Variants in MTMR3 observed in about 807,000 individuals in gnomAD.
The protein encoded by MTMR3 is phosphatidylinositol-3,5-bisphosphate 3-phosphatase MTMR3.
MTMR3 carries 32 observed loss-of-function variants against 132.4 expected under a neutral mutation model. The observed-to-expected ratio is 0.24, with a 90% CI of 0.18 to 0.32. The LOEUF (loss-of-function observed/expected upper bound fraction) is 0.32. Ranked by LOEUF, MTMR3 falls within the 10% of genes least tolerant of loss-of-function variation. The pLI is 1.00. For synonymous variants in MTMR3, 556 were observed against 550.3 expected (o/e 1.01, Z -0.14); for missense variants, 1,216 against 1,489.6 (o/e 0.82, Z 3.02).
chr22:29,928,254 C>A (rs1048934681), intron 1 of MTMR3, among the ~76,000 whole-genome samples: 1 of 150,618 alleles, frequency 6.6e-6, no homozygotes, highest in Non-Finnish European at 1.5e-5. Flanking sequence ...TGGTCACTGC[C>A]GCCTCCGCCT....
chr22:29,931,824 A>C (rs1233908860), intron 1 of MTMR3, among the ~76,000 whole-genome samples: 1 of 146,796 alleles, frequency 6.8e-6, no homozygotes, highest in Non-Finnish European at 1.5e-5. Context: ...ATTGGAGGGA[A>C]GGAGTATGTC....
rs1194790513 is a variant in MTMR3 at position 29,988,530 on chromosome 22, T to G, written c.261T>G (p.Leu87=). 1.2e-6 allele frequency: 2 copies of G among 1,612,982 alleles called. No homozygotes were observed. The highest frequency in any genetic ancestry group is 2.7e-5 in the African/African-American group (2 of 75,018). The change falls in exon 6 of 20, where the codon CTT becomes CTG. Residue 87 remains leucine, a synonymous_variant. Coordinates refer to ENST00000401950, the MANE Select transcript of MTMR3 (RefSeq NM_021090.4). ...ESVECRDIFQ[L]HLTCKDCKVI... is the part of the protein sequence containing the mutation. ...TTGAATGCCGAGATATATTTCAGCT[T>G]CATTTGACTTGCAAAGACTGCAAAG...
intron 19 of MTMR3, chr22:30,024,780 C>G (rs1263378018): frequency 6.6e-6 from 1 of 152,282 alleles, no homozygotes; most frequent in Non-Finnish European, 1.5e-5. Flanking sequence ...GAAACTCATT[C>G]TTTGCCAATT....
intron 6 of MTMR3, chr22:29,990,984 A>G (rs1042009004): frequency 6.6e-6 from 1 of 152,406 alleles, no homozygotes; most frequent in Non-Finnish European, 1.5e-5. Context: ...TGTTCTCTAC[A>G]TGGTCATAGC....
chr22:29,912,822 A>C (rs1249264319), intron 1 of MTMR3, among the ~76,000 whole-genome samples: 1 of 152,216 alleles, frequency 6.6e-6, no homozygotes, highest in Admixed American at 6.5e-5. Flanking sequence ...TAAGCTAAGT[A>C]TTTGAGATGT....
intron 1 of MTMR3, among the ~76,000 whole-genome samples, chr22:29,896,939 CCTGT>C (rs998813269): frequency 6.9e-5 from 10 of 143,966 alleles, no homozygotes; most frequent in African/African-American, 1.5e-4. Context: ...ATCTACAAAG[CCTGT>C]CTGTCTCTGA....
At chr22:29,959,728 G>T (rs913059983) in intron 2 of MTMR3, among the ~76,000 whole-genome samples, 1 of 150,660 alleles carries the variant, frequency 6.6e-6, no homozygotes, top group African/African-American at 2.4e-5. Flanking sequence ...TATTTGTATT[G>T]CCATAATAAT....
intron 14 of MTMR3, 146 bp downstream of exon 14, chr22:30,013,687 A>G: frequency 1.3e-6 from 1 of 772,224 alleles, no homozygotes; most frequent in Non-Finnish European, 1.9e-6. Context: ...TTTTTTAGTA[A>G]ATAATTTTGC....
chr22:30,022,864 G>T, intron 19 of MTMR3, 167 bp downstream of exon 19: 2 of 610,874 alleles, frequency 3.3e-6, no homozygotes. Context: ...ACTGCATTTG[G>T]CATCTTTGTT....
intron 1 of MTMR3, among the ~76,000 whole-genome samples, chr22:29,890,914 T>G (rs936989490): frequency 2.0e-5 from 3 of 152,084 alleles, no homozygotes; most frequent in Non-Finnish European, 4.4e-5. Context: ...CTTAGTTGGC[T>G]GAGGCAGGAG....
In MTMR3 at chr22:30,016,713, G is replaced by A. The variant is rs763159478; in HGVS notation, c.1674+15G>A. On this transcript the variant is annotated intron_variant, in intron 15 of 19. Transcript: ENST00000401950. Reference sequence around the variant, plus strand: ...AGTCAGAAGCCGTATGTATCCTTCAGCCTTTCCACTGTGGTCAGCAGAAGG... The same window carrying A: ...AGTCAGAAGCCGTATGTATCCTTCAACCTTTCCACTGTGGTCAGCAGAAGG... The A allele has an allele frequency of 6.2e-7, 1 of 1,603,624 alleles. No homozygotes were observed. Among genetic ancestry groups the A allele is most frequent in the South Asian group, 1.1e-5 (1 of 89,532 alleles).
At chr22:29,962,064 A>G (rs1308743727) in intron 2 of MTMR3, among the ~76,000 whole-genome samples, 1 of 152,220 alleles carries the variant, frequency 6.6e-6, no homozygotes, top group Non-Finnish European at 1.5e-5. Flanking sequence ...CTAATGATGC[A>G]TTTCTCAAAA....
rs554783320 is a variant in MTMR3, at chr22:29,979,449, G to A, written c.210+397G>A. ...GGAGCTGGCAGTGAGCCAAGATCAC[G>A]CCACTGCACTCCAGCCTGGGTGACC... On this transcript the variant is annotated intron_variant, in intron 5 of 19. Transcript: ENST00000401950. 5.7e-5 allele frequency: 13 copies of A among 227,346 alleles called. No individual in the cohort carries two copies. In the South Asian group the frequency reaches 7.0e-4, roughly 12 times the overall value. 14.1% of individuals were successfully genotyped at this position (227,346 alleles called of 1,614,324 possible).
At chr22:29,889,159 C>T (rs1392265708) in intron 1 of MTMR3, among the ~76,000 whole-genome samples, 1 of 151,586 alleles carries the variant, frequency 6.6e-6, no homozygotes, top group African/African-American at 2.4e-5. Flanking sequence ...CCACAAATGA[C>T]ATGGGAAGGC....
intron 6 of MTMR3, chr22:29,990,295 C>T (rs1354198768): frequency 6.6e-6 from 1 of 152,168 alleles, no homozygotes; most frequent in Non-Finnish European, 1.5e-5. Context: ...CTCTAGAGGT[C>T]TTAAATTCCA....
intron 1 of MTMR3, among the ~76,000 whole-genome samples, chr22:29,946,489 C>G (rs141465594): frequency 2.0e-5 from 3 of 152,212 alleles, no homozygotes; most frequent in Non-Finnish European, 2.9e-5. Flanking sequence ...GCATGTGCAC[C>G]AGGTCAGGCC....
rs138030951 is a variant in MTMR3, at chr22:29,897,567, C to T, written c.-138+14208C>T. Among the ~76,000 whole-genome samples the T allele has an allele frequency of 1.1e-3, 167 of 152,046 alleles. 3 individuals are homozygous for T. In the East Asian group the frequency reaches 0.013, roughly 12 times the overall value. On this transcript the variant is annotated intron_variant, in intron 1 of 19. Coordinates refer to ENST00000401950, the MANE Select transcript of MTMR3 (RefSeq NM_021090.4). The stretch of plus-strand genomic sequence containing the variant: ...TCCCAGGTTCAAGTGATTCTTGTGC[C>T]TCGGCCTTTTGAGTAGCTGGGATTA...
At chr22:30,022,204 C>A in intron 18 of MTMR3, 65 bp downstream of exon 18, 1 of 1,298,786 alleles carries the variant, frequency 7.7e-7, no homozygotes, top group Admixed American at 1.8e-5. Flanking sequence ...TCTCCACCCC[C>A]ATTCCCACCC....
In MTMR3 at chr22:29,978,932, G is replaced by A. The variant is rs758642135; in HGVS notation, c.94-4G>A. The A allele has an allele frequency of 8.1e-6, 13 of 1,599,990 alleles. No homozygotes were observed. The highest frequency in any genetic ancestry group is 3.4e-5 in the Admixed American group (2 of 59,514). On this transcript the variant is annotated splice_region_variant and splice_polypyrimidine_tract_variant and intron_variant, in intron 4 of 19. Transcript: ENST00000401950. The stretch of plus-strand genomic sequence containing the variant: ...AACTCTGAAGGGTTTCTTTCATTTC[G>A]AAGGTTCCTTTCCTTGAACTTCATG...
Sources: gnomAD v4.1 joint callset for allele counts (sites outside exome capture counted in the v4.1 genomes callset) on GRCh38, gnomAD v4.1.1 for gene constraint, MANE v1.5 for transcripts, NCBI Gene and HGNC (gene_info 2026-07-23, HGNC 2026-07-21) for gene names.